GIT1: variants seen among roughly 807,000 people sequenced by gnomAD.
GIT1 encodes the protein ARF GTPase-activating protein GIT1.
In GIT1, 14 loss-of-function variants were observed where a neutral mutation model predicts 91.7. The observed-to-expected ratio is 0.15, with a 90% CI of 0.10 to 0.24. The LOEUF is 0.24. Ranked by LOEUF, GIT1 falls within the 10% of genes least tolerant of loss-of-function variation. The pLI is 1.00. For missense variants in GIT1, 717 were observed against 1,024.9 expected, an observed-to-expected ratio of 0.70 and a Z score of 4.10; for synonymous variants, 414 against 418.2, an observed-to-expected ratio of 0.99 and a Z score of 0.12.
chr17:29,583,858 G>C, intron 1 of GIT1: 2 of 543,188 alleles, frequency 3.7e-6, no homozygotes. Flanking sequence ...GGGATATGCA[G>C]TCCCCAGGGC....
At position 29,576,148 on chromosome 17, in the gene GIT1, A is replaced by G; in HGVS notation, c.1612-17T>C. ...CTCTAGCTCCTGGGGATGTTAGCAC[A>G]GCGAGCGTCATGGTGGACCCTGCGG... is the stretch of plus-strand genomic sequence containing the variant. On this transcript the variant is annotated splice_polypyrimidine_tract_variant and intron_variant, in intron 14 of 19. Transcript: ENST00000225394. 1.2e-6 allele frequency: 2 copies of G among 1,613,428 alleles called. No homozygotes were observed. The highest frequency in any genetic ancestry group is 1.7e-6 in the Non-Finnish European group (2 of 1,179,718).
At chr17:29,578,484 C>A in intron 8 of GIT1, 113 bp from the exon 9 acceptor site, 2 of 969,984 alleles carry the variant, frequency 2.1e-6, no homozygotes, top group South Asian at 1.3e-5. Flanking sequence ...TTGTGCTGCC[C>A]AGCCCCTACA....
intron 1 of GIT1, among the ~76,000 whole-genome samples, chr17:29,585,168 A>G (rs984140065): frequency 5.9e-5 from 9 of 151,828 alleles, no homozygotes; most frequent in Non-Finnish European, 8.8e-5. Flanking sequence ...CCTAGCATGC[A>G]CTTCTGGGCT....
intron 8 of GIT1, 27 bp from the exon 9 acceptor site, chr17:29,578,398 T>C (rs766266626): frequency 3.1e-6 from 5 of 1,608,282 alleles, no homozygotes; most frequent in Non-Finnish European, 4.3e-6. Context: ...GCCCAGATGT[T>C]GTCAGATGCA....
rs752519780 is a variant in GIT1 at position 29,575,706 on chromosome 17, G to A, written c.1753-3C>T. On this transcript the variant is annotated splice_region_variant and splice_polypyrimidine_tract_variant and intron_variant, in intron 16 of 19. Coordinates refer to ENST00000225394, the MANE Select transcript of GIT1 (RefSeq NM_014030.4). The surrounding 1 kb of genome is among the most constrained non-coding windows in gnomAD (Gnocchi z 5.5). ...CTGCCGTGGCGGGAAAGCTTGCTCT[G>A]GAGGGCGGAGGGAAGGGGCTGTGAG... 3 of 1,612,380 alleles carry A rather than the reference G, an allele frequency of 1.9e-6. No individual in the cohort carries two copies. The East Asian group carries it at 6.7e-5, about 36-fold the overall frequency.
rs779742561 is a variant in GIT1 at position 29,584,848 on chromosome 17, T to C, written c.53-1232A>G. Among the ~76,000 whole-genome samples, 14 of 152,014 alleles carry C rather than the reference T, an allele frequency of 9.2e-5. No individual in the cohort carries two copies. The South Asian group carries it at 1.0e-3, about 11-fold the overall frequency. The stretch of plus-strand genomic sequence containing the variant: ...ACTTCCACCAAAGTTCCCAGGAAAA[T>C]TGAGGAGACTCTGAGTCAGGGGCCC... On this transcript the variant is annotated intron_variant, in intron 1 of 19. Transcript: ENST00000225394.
Position 29,581,723 on chromosome 17 carries a change from C to A in GIT1, c.718+19G>T, listed in dbSNP as rs780816904. The stretch of plus-strand genomic sequence containing the variant: ...CAGCCAGGCCTGTCACAGCCAGGCG[C>A]CCCCCAAGCTCTGCTCACCCGGCTT... On this transcript the variant is annotated intron_variant, in intron 6 of 19. Coordinates refer to ENST00000225394, the MANE Select transcript of GIT1 (RefSeq NM_014030.4). The surrounding 1 kb of genome is among the most constrained non-coding windows in gnomAD (Gnocchi z 4.8). 2 of 1,594,292 alleles carry A rather than the reference C, an allele frequency of 1.3e-6. No homozygotes were observed. Among genetic ancestry groups the A allele is most frequent in the East Asian group, 2.2e-5 (1 of 44,772 alleles).
chr17:29,583,566 A>G lies in GIT1; in HGVS notation c.103T>C (p.Cys35Arg). 1 of 1,609,448 alleles carries G rather than the reference A, an allele frequency of 6.2e-7. No individual in the cohort carries two copies. The highest frequency in any genetic ancestry group is 8.5e-7 in the Non-Finnish European group (1 of 1,178,918). The change falls in exon 2 of 20, where the codon TGC (cysteine) becomes CGC (arginine). Residue 35 changes from cysteine (C) to arginine (R), a missense_variant. By Grantham distance (180) the Cys-to-Arg change is radical. Around this residue, in one of 3 missense-constraint regions of GIT1, gnomAD observed 271 missense variants for 451.6 expected, o/e 0.60. Coordinates refer to ENST00000225394, the MANE Select transcript of GIT1 (RefSeq NM_014030.4). ...CGTCCCAGGCTCCGGTGCACGCTGC[A>G]GCACTCGTCACACACCAGCACACCC... The part of the protein sequence containing the change: ...SRGVLVCDEC[C>R]SVHRSLGRHI...
At chr17:29,585,810 G>A (rs751202694) in intron 1 of GIT1, among the ~76,000 whole-genome samples, 76 of 152,198 alleles carry the variant, frequency 5.0e-4, no homozygotes, top group Admixed American at 1.4e-3. Context: ...GAAAGGACAG[G>A]AACTGTAAGG....
chr17:29,578,458 G>GAACC, intron 8 of GIT1, 87 bp from the exon 9 acceptor site: 1 of 1,267,596 alleles, frequency 7.9e-7, no homozygotes, highest in Non-Finnish European at 1.2e-6. Flanking sequence ...GAGCCTTGGG[G>GAACC]AACCGGTGGC....
rs972850180 is a variant in GIT1, at chr17:29,581,573, C to T, written c.718+169G>A. The stretch of plus-strand genomic sequence containing the variant: ...GCCCACCCCCACTCCCTAGCCCCAG[C>T]GATGCTATGGCCCAGAGCCTGCAGT... On this transcript the variant is annotated intron_variant, in intron 6 of 19. Coordinates refer to ENST00000225394, the MANE Select transcript of GIT1 (RefSeq NM_014030.4). The surrounding 1 kb of genome is among the most constrained non-coding windows in gnomAD (Gnocchi z 4.8). 1.0e-5 allele frequency: 7 copies of T among 695,500 alleles called. No homozygotes were observed. Among genetic ancestry groups the T allele is most frequent in the Middle Eastern group, 3.7e-4 (1 of 2,676 alleles). 43.1% of individuals were successfully genotyped at this position (695,500 alleles called of 1,614,324 possible).
intron 12 of GIT1, 35 bp downstream of exon 12, chr17:29,576,828 G>A: frequency 6.3e-7 from 1 of 1,578,102 alleles, no homozygotes; most frequent in East Asian, 2.3e-5. Flanking sequence ...CTGGGTCAGG[G>A]CACAGGGGAG....
At chr17:29,578,807 G>A in intron 7 of GIT1, 28 bp from the exon 8 acceptor site, 4 of 1,609,810 alleles carry the variant, frequency 2.5e-6, no homozygotes, top group Non-Finnish European at 3.4e-6. Context: ...TGGGAATTGG[G>A]AGGAGAGGAG....
intron 8 of GIT1, 81 bp downstream of exon 8, chr17:29,578,650 G>T: frequency 1.6e-6 from 2 of 1,263,654 alleles, no homozygotes; most frequent in African/African-American, 1.5e-5. Flanking sequence ...TCGAGTCAGA[G>T]GCAGAGGAAG....
intron 4 of GIT1, 126 bp from the exon 5 acceptor site, chr17:29,582,270 T>C (rs1794174370): frequency 1.5e-6 from 1 of 678,550 alleles, no homozygotes; most frequent in Admixed American, 2.3e-5. Flanking sequence ...AACCAGACTA[T>C]GTCGGGAGGA....
In GIT1 at chr17:29,582,020, G is replaced by C. The variant is rs1238544920; in HGVS notation, c.530C>G (p.Ala177Gly). 3 of 1,612,420 alleles carry C rather than the reference G, an allele frequency of 1.9e-6. No homozygotes were observed. The highest frequency in any genetic ancestry group is 2.5e-6 in the Non-Finnish European group (3 of 1,180,018). The change falls in exon 5 of 20, where the codon GCA (alanine) becomes GGA (glycine). Residue 177 changes from alanine (A) to glycine (G), a missense_variant. Physicochemically the swap from Ala to Gly is moderately conservative, Grantham distance 60. This residue lies in a region of GIT1 where 271 missense variants were observed against 451.6 expected (regional missense o/e 0.60). Transcript: ENST00000225394. The part of the protein sequence containing the change: ...GTTPLHVAAK[A>G]GQTLQAELLV... ...CAGCTCGGCCTGCAGTGTCTGTCCT[G>C]CCTTGGCAGCCACGTGCAGAGGTGT... is the stretch of plus-strand genomic sequence containing the variant.
rs547727997 is a variant in GIT1 at position 29,587,923 on chromosome 17, G to A, written c.52+1404C>T. ...TGCATCCTCAGCCCTGCCATCCCCA[G>A]ACCTGCCTGCAGCTCGGGGAACGGA... On this transcript the variant is annotated intron_variant, in intron 1 of 19. Transcript: ENST00000225394. 3.3e-5 allele frequency among the ~76,000 whole-genome samples: 5 copies of A among 152,288 alleles called. No homozygotes were observed. In the East Asian group the frequency reaches 9.6e-4, roughly 29 times the overall value.
intron 2 of GIT1, 112 bp downstream of exon 2, chr17:29,583,371 C>T (rs1018960928): frequency 3.4e-6 from 4 of 1,185,712 alleles, no homozygotes; most frequent in Admixed American, 4.0e-5. Flanking sequence ...GGTGCTGCCC[C>T]TTGGAAGCTG....
rs552780242 is a variant in GIT1 at position 29,575,184 on chromosome 17, G to A, written c.2010-42C>T. 7.7e-6 allele frequency: 12 copies of A among 1,568,294 alleles called. No individual in the cohort carries two copies. The Admixed American group carries it at 8.9e-5, about 12-fold the overall frequency. ...GGCTATAAAGCAGGGGGCTCTCAAG[G>A]GAGGTTCCCAGGGACAGCAGAACCC... On this transcript the variant is annotated intron_variant, in intron 18 of 19. Transcript: ENST00000225394. This position sits in a 1 kb window ranked among gnomAD's most constrained non-coding sequence, Gnocchi z 5.5.
Sources: gnomAD v4.1 joint callset for allele counts (sites outside exome capture counted in the v4.1 genomes callset) on GRCh38, gnomAD v4.1.1 for gene constraint, gnomAD v4.1.1 regional missense constraint, Gnocchi (gnomAD v3.1) non-coding constraint, MANE v1.5 for transcripts, NCBI Gene and HGNC (gene_info 2026-07-23, HGNC 2026-07-21) for gene names.